Variants in CTNNA2 observed in about 807,000 individuals in gnomAD.
CTNNA2 encodes the protein catenin alpha-2.
In CTNNA2, 42 loss-of-function variants were observed where a neutral mutation model predicts 101.0. The ratio of observed to expected loss-of-function variants is 0.42; its 90% CI spans 0.32 to 0.54. CTNNA2 has a LOEUF of 0.54. CTNNA2 is among the 20% of genes least tolerant of loss of function. CTNNA2 has a pLI of 0.14. For synonymous variants in CTNNA2, 450 were observed against 456.4 expected (o/e 0.99, Z 0.18); for missense variants, 871 against 1,223.1 (o/e 0.71, Z 4.29).
chr2:80,013,739 A>G (rs1001687387), intron 7 of CTNNA2, among the ~76,000 whole-genome samples: 4 of 152,122 alleles, frequency 2.6e-5, no homozygotes, highest in Non-Finnish European at 4.4e-5. Context: ...GCTCTCCCAC[A>G]TTACGTGTAC....
intron 7 of CTNNA2, among the ~76,000 whole-genome samples, chr2:80,176,191 C>T (rs1705384576): frequency 6.6e-6 from 1 of 152,164 alleles, no homozygotes; most frequent in South Asian, 2.1e-4. Context: ...ACATAATCTT[C>T]AAATAAAGAC....
chr2:80,005,123 G>C (rs1236359387), intron 7 of CTNNA2, among the ~76,000 whole-genome samples: 1 of 152,166 alleles, frequency 6.6e-6, no homozygotes, highest in Non-Finnish European at 1.5e-5. Flanking sequence ...AGTAACACAG[G>C]AAAGACTGAG....
chr2:80,567,879 CTTTT>C (rs1016627138), intron 12 of CTNNA2, among the ~76,000 whole-genome samples: 1 of 151,896 alleles, frequency 6.6e-6, no homozygotes. Context: ...TTTCAATGCT[CTTTT>C]TTTTATTTTA....
intron 7 of CTNNA2, among the ~76,000 whole-genome samples, chr2:79,928,259 G>A (rs1027710745): frequency 6.6e-6 from 1 of 152,084 alleles, no homozygotes; most frequent in Non-Finnish European, 1.5e-5. Context: ...GGCAGCTGTG[G>A]TTTTAATTGT....
chr2:80,310,356 A>AAG (rs1405517098), intron 7 of CTNNA2, among the ~76,000 whole-genome samples: 1 of 152,188 alleles, frequency 6.6e-6, no homozygotes, highest in East Asian at 1.9e-4. Flanking sequence ...GGCAGTGTAG[A>AAG]GCCTTCATAG....
chr2:79,941,597 T>G (rs1041636216), intron 7 of CTNNA2, among the ~76,000 whole-genome samples: 1 of 152,220 alleles, frequency 6.6e-6, no homozygotes, highest in Non-Finnish European at 1.5e-5. Flanking sequence ...ACCACACGAT[T>G]GTAGAACAAA....
intron 3 of CTNNA2, among the ~76,000 whole-genome samples, chr2:79,792,953 T>C (rs1043147330): frequency 4.6e-5 from 7 of 152,226 alleles, no homozygotes; most frequent in African/African-American, 1.7e-4. Flanking sequence ...TTGGTTCTTG[T>C]ACTACATTTG....
intron 1 of CTNNA2, among the ~76,000 whole-genome samples, chr2:79,596,633 T>A (rs1677208807): frequency 6.6e-6 from 1 of 152,132 alleles, no homozygotes; most frequent in African/African-American, 2.4e-5. Flanking sequence ...GGTGAGAGCT[T>A]TCTGCAAAAG....
intron 3 of CTNNA2, among the ~76,000 whole-genome samples, chr2:79,856,150 CA>C (rs1207920103): frequency 6.6e-6 from 1 of 152,024 alleles, no homozygotes; most frequent in East Asian, 1.9e-4. Context: ...TGTGCCTAGG[CA>C]AAAAGGCTAA....
At chr2:80,616,936 C>A (rs777555342) in intron 17 of CTNNA2, among the ~76,000 whole-genome samples, 11 of 151,656 alleles carry the variant, frequency 7.3e-5, no homozygotes, top group South Asian at 2.1e-4. Flanking sequence ...CATTGGGTTC[C>A]TGAAGTCATT....
At chr2:79,347,512 T>C (rs1677287963) in intron 3 of CTNNA2, among the ~76,000 whole-genome samples, 1 of 152,240 alleles carries the variant, frequency 6.6e-6, no homozygotes, top group African/African-American at 2.4e-5. Flanking sequence ...TTGCCTTTCA[T>C]TATTTATGTC....
At chr2:80,226,205 A>G (rs1271352192) in intron 7 of CTNNA2, among the ~76,000 whole-genome samples, 1 of 152,170 alleles carries the variant, frequency 6.6e-6, no homozygotes, top group Non-Finnish European at 1.5e-5. Flanking sequence ...GCTCATTTGG[A>G]TAATTACAGT....
At chr2:79,550,722 A>G (rs1674048112) in intron 1 of CTNNA2, among the ~76,000 whole-genome samples, 3 of 152,104 alleles carry the variant, frequency 2.0e-5, no homozygotes, top group African/African-American at 7.2e-5. Flanking sequence ...GATTCCTAGC[A>G]TTGTCTGAAT....
chr2:80,579,641 T>G (rs1438015198), intron 13 of CTNNA2, among the ~76,000 whole-genome samples: 3 of 152,168 alleles, frequency 2.0e-5, no homozygotes, highest in Non-Finnish European at 4.4e-5. Context: ...AATATTCCTA[T>G]GAAAGTAAAC....
intron 14 of CTNNA2, among the ~76,000 whole-genome samples, chr2:80,585,028 A>G (rs887933173): frequency 7.9e-5 from 12 of 152,076 alleles, no homozygotes; most frequent in Non-Finnish European, 1.6e-4. Flanking sequence ...AAGTCAAGTA[A>G]GTAGAAACAG....
intron 3 of CTNNA2, among the ~76,000 whole-genome samples, chr2:79,822,518 A>G (rs915749396): frequency 6.6e-6 from 1 of 152,176 alleles, no homozygotes; most frequent in African/African-American, 2.4e-5. Flanking sequence ...TGTGAAGGAT[A>G]CAGGAAGCAT....
intron 3 of CTNNA2, among the ~76,000 whole-genome samples, chr2:79,846,141 T>G (rs1196615588): frequency 6.6e-6 from 1 of 152,200 alleles, no homozygotes; most frequent in Non-Finnish European, 1.5e-5. Context: ...TTTTATAGCA[T>G]CATTTACCAT....
chr2:80,530,770 CCT>C (rs1002178365), intron 9 of CTNNA2, among the ~76,000 whole-genome samples: 1 of 152,090 alleles, frequency 6.6e-6, no homozygotes, highest in African/African-American at 2.4e-5. Context: ...TGATTTTTTC[CCT>C]CTCTGATGAC....
intron 17 of CTNNA2, among the ~76,000 whole-genome samples, chr2:80,610,529 T>A (rs567720655): frequency 6.6e-6 from 1 of 151,684 alleles, no homozygotes. Flanking sequence ...TCCCTGTGTT[T>A]ATACACATGG....
Sources: gnomAD v4.1 joint callset for allele counts (sites outside exome capture counted in the v4.1 genomes callset) on GRCh38, gnomAD v4.1.1 for gene constraint, MANE v1.5 for transcripts, NCBI Gene and HGNC (gene_info 2026-07-23, HGNC 2026-07-21) for gene names.